The following CRADD variants were observed in gnomAD, a reference collection of about 807,000 sequenced individuals.
The protein encoded by CRADD is CARD and death domain containing adaptor protein, also known as death domain-containing protein CRADD.
In CRADD, 9 loss-of-function variants were observed where a neutral mutation model predicts 15.5. The observed-to-expected ratio is 0.58, with a 90% CI of 0.35 to 1.01. The LOEUF is 1.01. Ranked by LOEUF, CRADD falls within the 50% of genes least tolerant of loss-of-function variation. The pLI is 0.02. For synonymous variants in CRADD, 118 were observed against 107.6 expected (o/e 1.10, Z -0.60); for missense variants, 227 against 250.3 (o/e 0.91, Z 0.63).
chr12:93,803,584 A>G (rs1957499600), intron 2 of CRADD, among the ~76,000 whole-genome samples: 1 of 152,208 alleles, frequency 6.6e-6, no homozygotes, highest in Admixed American at 6.5e-5. Context: ...GTAAGCTGTT[A>G]GCAAGTCTTA....
intron 2 of CRADD, among the ~76,000 whole-genome samples, chr12:93,714,261 C>G (rs1341165665): frequency 3.9e-5 from 6 of 152,176 alleles, no homozygotes; most frequent in African/African-American, 1.4e-4. Flanking sequence ...TAATGCCTTT[C>G]CAATCCTGAG....
intron 2 of CRADD, among the ~76,000 whole-genome samples, chr12:93,683,152 G>A (rs1955358369): frequency 1.3e-5 from 2 of 152,178 alleles, no homozygotes; most frequent in Admixed American, 1.3e-4. Flanking sequence ...CAGTGCCTGA[G>A]CTAATCTGGA....
intron 2 of CRADD, among the ~76,000 whole-genome samples, chr12:93,788,758 C>T (rs1957313133): frequency 6.6e-6 from 1 of 152,126 alleles, no homozygotes; most frequent in East Asian, 1.9e-4. Context: ...TTAGCAGTCT[C>T]CTGACCTATA....
intron 2 of CRADD, among the ~76,000 whole-genome samples, chr12:93,726,609 TATAC>T (rs1956371992): frequency 6.6e-6 from 1 of 152,202 alleles, no homozygotes; most frequent in Non-Finnish European, 1.5e-5. Context: ...TATTCAGATA[TATAC>T]ATACATACAT....
At chr12:93,880,128 C>G (rs1274441575) in intron 2 of CRADD, among the ~76,000 whole-genome samples, 1 of 152,108 alleles carries the variant, frequency 6.6e-6, no homozygotes, top group African/African-American at 2.4e-5. Context: ...TTCCTGTCAG[C>G]CTGCTACCAT....
In CRADD at chr12:93,850,112, C is replaced by T; in HGVS notation, c.441C>T (p.Arg147=). 6.2e-7 allele frequency: 1 copy of T among 1,614,110 alleles called. No homozygotes were observed. Among genetic ancestry groups the T allele is most frequent in the Non-Finnish European group, 8.5e-7 (1 of 1,179,936 alleles). ...SLGLSQTDIY[R]CKANHPHNVQ... is the part of the protein sequence containing the mutation. The stretch of plus-strand genomic sequence containing the variant: ...GACTGTCCCAGACGGATATCTACCG[C>T]TGTAAGGCCAACCACCCCCACAACG... The change falls in exon 3 of 3, where the codon CGC becomes CGT. Residue 147 remains arginine (R), a synonymous_variant. Coordinates refer to ENST00000332896, the MANE Select transcript of CRADD (RefSeq NM_003805.5). This position sits in a 1 kb window ranked among gnomAD's most constrained non-coding sequence, Gnocchi z 4.0.
Position 93,874,694 on chromosome 12 carries a change from A to G in CRADD, c.299-19356A>G, listed in dbSNP as rs555434031. Among the ~76,000 whole-genome samples, 19 of 152,182 alleles carry G rather than the reference A, an allele frequency of 1.2e-4. 2 individuals carry two copies. The highest frequency in any genetic ancestry group is 4.6e-4 in the African/African-American group (19 of 41,556). On this transcript the variant is annotated intron_variant, in intron 2 of 2. Transcript: ENST00000548483. ...ATTGACCCACTGGTAATTCAGAAGC[A>G]TATTGTTTAATTTCTATGTATTTGT...
At chr12:93,815,591 G>C (rs1005762185) in intron 2 of CRADD, 1 of 152,204 alleles carries the variant, frequency 6.6e-6, no homozygotes, top group Non-Finnish European at 1.5e-5. Context: ...GATTAGTAGA[G>C]TACTATAAAA....
intron 2 of CRADD, among the ~76,000 whole-genome samples, chr12:93,741,670 TA>T (rs1699814595): frequency 6.6e-6 from 1 of 152,186 alleles, no homozygotes; most frequent in African/African-American, 2.4e-5. Flanking sequence ...ATGGTCTGAT[TA>T]ATTTGTAGAT....
chr12:93,780,824 C>A (rs1457437998), intron 2 of CRADD, among the ~76,000 whole-genome samples: 2 of 145,588 alleles, frequency 1.4e-5, no homozygotes, highest in African/African-American at 5.1e-5. Context: ...CACTGCAACC[C>A]CTGCCTCCTA....
At chr12:93,748,430 C>A (rs1235722762) in intron 2 of CRADD, among the ~76,000 whole-genome samples, 1 of 152,184 alleles carries the variant, frequency 6.6e-6, no homozygotes, top group East Asian at 1.9e-4. Context: ...GCTTCAGCCT[C>A]CTGAGTAACT....
At position 93,706,608 on chromosome 12, in the gene CRADD, C is replaced by A. The variant is rs79898615; in HGVS notation, c.298+27536C>A. ...TTATTCACAGGGCCTGAAGTGATAG[C>A]TGTTGGGAGAAGTGATATTCATACT... is the stretch of plus-strand genomic sequence containing the variant. On this transcript the variant is annotated intron_variant, in intron 2 of 2. Transcript: ENST00000332896. 6.5e-3 allele frequency among the ~76,000 whole-genome samples: 994 copies of A among 152,224 alleles called. 20 individuals carry two copies. The highest frequency in any genetic ancestry group is 0.023 in the African/African-American group (946 of 41,524).
intron 2 of CRADD, among the ~76,000 whole-genome samples, chr12:93,808,245 A>G (rs1184785293): frequency 6.6e-6 from 1 of 152,038 alleles, no homozygotes; most frequent in Non-Finnish European, 1.5e-5. Flanking sequence ...TTTATAAAGG[A>G]GAGGTTTAAT....
At chr12:93,771,321 G>A (rs1213516343) in intron 2 of CRADD, among the ~76,000 whole-genome samples, 2 of 152,180 alleles carry the variant, frequency 1.3e-5, no homozygotes, top group Non-Finnish European at 2.9e-5. Context: ...CCACTCTTGT[G>A]AACCTGGAGA....
At chr12:93,852,491 A>G (rs749104140), downstream of CRADD, among the ~76,000 whole-genome samples, 4 of 152,268 alleles carry the variant, frequency 2.6e-5, no homozygotes, top group Non-Finnish European at 4.4e-5. Flanking sequence ...GCCCTTCACA[A>G]GCAGAGTGTC....
At chr12:93,713,794 G>C (rs1430218146) in intron 2 of CRADD, among the ~76,000 whole-genome samples, 5 of 151,994 alleles carry the variant, frequency 3.3e-5, no homozygotes, top group Admixed American at 6.5e-5. Flanking sequence ...GATTTATTTT[G>C]AATATCTGTT....
At chr12:93,686,305 A>C (rs12146752) in intron 2 of CRADD, among the ~76,000 whole-genome samples, 6,011 of 127,612 alleles carry the variant, frequency 0.047, 63 homozygotes, top group Admixed American at 0.068. Context: ...CATCCCCCCC[A>C]AAAAAAAAAA....
At chr12:93,786,433 G>GTATA (rs1209257317) in intron 2 of CRADD, among the ~76,000 whole-genome samples, 1 of 152,130 alleles carries the variant, frequency 6.6e-6, no homozygotes, top group African/African-American at 2.4e-5. Flanking sequence ...TATGTATTAA[G>GTATA]TATACATAGT....
chr12:93,797,016 C>G (rs985240442), intron 2 of CRADD, among the ~76,000 whole-genome samples: 1 of 152,160 alleles, frequency 6.6e-6, no homozygotes, highest in African/African-American at 2.4e-5. Flanking sequence ...CTCTTCCTTA[C>G]AAATATTCGG....
Sources: allele counts gnomAD v4.1 joint callset (sites outside exome capture counted in the v4.1 genomes callset), GRCh38; gene constraint gnomAD v4.1.1; non-coding constraint Gnocchi (gnomAD v3.1); transcripts MANE v1.5; gene names NCBI Gene and HGNC (gene_info 2026-07-23, HGNC 2026-07-21).